PHKA1: variants seen among roughly 807,000 people sequenced by gnomAD.
PHKA1 encodes phosphorylase kinase regulatory subunit alpha 1.
Under a neutral mutation model 110.2 loss-of-function variants are expected in PHKA1, and 60 were observed. That is an observed-to-expected ratio of 0.54 (90% CI 0.44 to 0.68). PHKA1 has a LOEUF of 0.68. Ranked by LOEUF, PHKA1 falls within the 30% of genes least tolerant of loss-of-function variation. The pLI, the probability that PHKA1 is intolerant of heterozygous loss-of-function variation, is 0.00. For synonymous variants in PHKA1, 316 were observed against 333.6 expected, an observed-to-expected ratio of 0.95 and a Z score of 0.58; for missense variants, 801 against 942.5, an observed-to-expected ratio of 0.85 and a Z score of 1.97.
chrX:72,702,086 C>G (rs1358656389), intron 3 of PHKA1, among the ~76,000 whole-genome samples: 1 of 110,808 alleles, frequency 9.0e-6, no homozygotes, highest in Non-Finnish European at 1.9e-5. Context: ...TTTGGAGTCC[C>G]TGAAAACTCA....
In PHKA1 at chrX:72,593,279, G is replaced by A. The variant is rs782120826; in HGVS notation, c.3073-5C>T. On this transcript the variant is annotated splice_region_variant and splice_polypyrimidine_tract_variant and intron_variant, in intron 28 of 31. Coordinates refer to ENST00000373542, the MANE Select transcript of PHKA1 (RefSeq NM_002637.4). The stretch of plus-strand genomic sequence containing the variant: ...AGTCATAGAGGTTCCAGGTGACTTG[G>A]AAGAGGAGAGGAAAGAACATAAATC... 8.5e-7 allele frequency: 1 copy of A among 1,173,981 alleles called. No homozygotes were observed. Among genetic ancestry groups the A allele is most frequent in the South Asian group, 1.8e-5 (1 of 56,025 alleles).
intron 2 of PHKA1, 124 bp from the exon 3 acceptor site, chrX:72,705,369 C>T: frequency 2.0e-6 from 1 of 490,641 alleles, no homozygotes; most frequent in South Asian, 2.5e-5. Context: ...TTCCTATTTA[C>T]ATGACATTTA....
chrX:72,601,098 T>G lies in PHKA1; in HGVS notation c.3072+893A>C, dbSNP rs149639093. Among the ~76,000 whole-genome samples, 816 of 111,420 alleles carry G rather than the reference T, an allele frequency of 7.3e-3. 12 individuals are homozygous for G. Among genetic ancestry groups the G allele is most frequent in the African/African-American group, 0.025 (773 of 30,686 alleles). ...TGGAAGCTTTTGTTAACTATTTCCT[T>G]GTATAAAGCAACCGCTCTCTATTCT... is the stretch of plus-strand genomic sequence containing the variant. On this transcript the variant is annotated intron_variant, in intron 28 of 31. Transcript: ENST00000373542.
chrX:72,683,155 A>G (rs1393116637), intron 5 of PHKA1, among the ~76,000 whole-genome samples: 1 of 112,076 alleles, frequency 8.9e-6, no homozygotes, highest in Non-Finnish European at 1.9e-5. Flanking sequence ...AGTGGAAAAC[A>G]GGCCAGGTGT....
chrX:72,695,153 A>T (rs945111518), intron 4 of PHKA1, among the ~76,000 whole-genome samples: 2 of 111,787 alleles, frequency 1.8e-5, no homozygotes, highest in Admixed American at 9.5e-5. Flanking sequence ...AATGTCAAAA[A>T]TATGGTATTT....
At chrX:72,657,325 T>C (rs782242969) in intron 9 of PHKA1, among the ~76,000 whole-genome samples, 1 of 112,459 alleles carries the variant, frequency 8.9e-6, no homozygotes, top group East Asian at 2.8e-4. Flanking sequence ...TTTTACCATG[T>C]ATCTGTAGTT....
In PHKA1 at chrX:72,684,305, C is replaced by A. The variant is rs138572373; in HGVS notation, c.537+193G>T. Among the ~76,000 whole-genome samples, 412 of 111,599 alleles carry A rather than the reference C, an allele frequency of 3.7e-3. 1 individual carries two copies. The highest frequency in any genetic ancestry group is 0.013 in the African/African-American group (400 of 30,755). On this transcript the variant is annotated intron_variant, in intron 5 of 31. Transcript: ENST00000373542. Reference sequence around the variant, plus strand: ...AAGTATAGCATCCTGACCCTCTTGTCTCTGTAACCCCCTTGAAGAGAAGAC... The same window carrying A: ...AAGTATAGCATCCTGACCCTCTTGTATCTGTAACCCCCTTGAAGAGAAGAC...
intron 16 of PHKA1, among the ~76,000 whole-genome samples, chrX:72,634,182 A>G (rs2053200813): frequency 1.8e-5 from 2 of 112,183 alleles, no homozygotes; most frequent in Non-Finnish European, 3.8e-5. Flanking sequence ...TTCGTCTCCA[A>G]TTAGACTTTA....
At chrX:72,712,189 G>A (rs1428765593) in intron 2 of PHKA1, 6 of 115,169 alleles carry the variant, frequency 5.2e-5, no homozygotes, top group African/African-American at 2.0e-4. Flanking sequence ...AAAGGATGCT[G>A]GTTTACTGAG....
intron 29 of PHKA1, among the ~76,000 whole-genome samples, chrX:72,589,230 T>C (rs976517481): frequency 1.1e-4 from 12 of 111,763 alleles, no homozygotes; most frequent in African/African-American, 3.9e-4. Flanking sequence ...TTATCAACCA[T>C]GATCGAGTCG....
chrX:72,604,941 T>C (rs1165178893), intron 25 of PHKA1, among the ~76,000 whole-genome samples: 1 of 111,768 alleles, frequency 8.9e-6, no homozygotes, highest in Non-Finnish European at 1.9e-5. Context: ...GACGCTCCAC[T>C]GCCTAAATCT....
rs782820465 is a variant in PHKA1, at chrX:72,636,064, CA to C, written c.1569+212del. On this transcript the variant is annotated intron_variant, in intron 15 of 31. Transcript: ENST00000373542. Reference sequence around the variant, plus strand: ...TAAAATCCTTAGTTTCTGCAATACCCAGGGTTACTTTTGGCAGTTACAATCA... The same window carrying C: ...TAAAATCCTTAGTTTCTGCAATACCCGGGTTACTTTTGGCAGTTACAATCA... Among the ~76,000 whole-genome samples the C allele has an allele frequency of 9.0e-5, 10 of 111,534 alleles. No individual in the cohort carries two copies. The South Asian group carries it at 3.8e-3, about 43-fold the overall frequency.
intron 8 of PHKA1, chrX:72,660,532 A>G: frequency 2.5e-6 from 1 of 402,069 alleles, no homozygotes; most frequent in Non-Finnish European, 4.0e-6. Flanking sequence ...GAATTGGACC[A>G]TAACAGCCCA....
intron 13 of PHKA1, among the ~76,000 whole-genome samples, chrX:72,647,912 G>A (rs1257940311): frequency 8.9e-6 from 1 of 111,822 alleles, no homozygotes; most frequent in Non-Finnish European, 1.9e-5. Flanking sequence ...ATTCAAGAGA[G>A]TATGGCATCA....
At chrX:72,656,374 A>G in intron 9 of PHKA1, 132 bp from the exon 10 acceptor site, 1 of 633,413 alleles carries the variant, frequency 1.6e-6, no homozygotes, top group African/African-American at 2.2e-5. Context: ...GCATGTACAT[A>G]CTCCCTTCCC....
At chrX:72,702,187 C>T (rs781915793) in intron 3 of PHKA1, among the ~76,000 whole-genome samples, 13 of 111,590 alleles carry the variant, frequency 1.2e-4, no homozygotes, top group Admixed American at 3.8e-4. Context: ...GTGGGTTATG[C>T]CTGTAATCCC....
At chrX:72,709,912 G>T (rs2054342196) in intron 2 of PHKA1, among the ~76,000 whole-genome samples, 1 of 108,744 alleles carries the variant, frequency 9.2e-6, no homozygotes. Context: ...GTGTGGTGGT[G>T]CACGCCTGTG....
chrX:72,590,272 A>T (rs2052499644), intron 29 of PHKA1, among the ~76,000 whole-genome samples: 4 of 111,567 alleles, frequency 3.6e-5, no homozygotes, highest in Admixed American at 2.9e-4. Context: ...ATAACACTAC[A>T]CACCTACAAC....
Position 72,667,468 on chromosome X carries a change from G to A in PHKA1, c.624C>T (p.Ala208=). The change falls in exon 7 of 32, where the codon GCC becomes GCT. Residue 208 remains alanine, a synonymous_variant. Coordinates refer to ENST00000373542, the MANE Select transcript of PHKA1 (RefSeq NM_002637.4). ...NASSVGMAKA[A]LEALDELDLF... The stretch of plus-strand genomic sequence containing the variant: ...GATCCAGTTCATCTAATGCTTCCAG[G>A]GCTGCCTGTGAGGAACAAGAAAGAA... 1 of 1,201,366 alleles carries A rather than the reference G, an allele frequency of 8.3e-7. No homozygotes were observed. The highest frequency in any genetic ancestry group is 1.1e-6 in the Non-Finnish European group (1 of 886,183).
Sources: allele counts gnomAD v4.1 joint callset (sites outside exome capture counted in the v4.1 genomes callset), GRCh38; gene constraint gnomAD v4.1.1; transcripts MANE v1.5; gene names NCBI Gene and HGNC (gene_info 2026-07-23, HGNC 2026-07-21).